The following PPP3CA variants were observed in gnomAD, a reference collection of about 807,000 sequenced individuals.
PPP3CA encodes the protein protein phosphatase 3 catalytic subunit alpha, also known as CAM-PRP catalytic subunit.
Under a neutral mutation model 66.5 loss-of-function variants are expected in PPP3CA, and 14 were observed. The ratio of observed to expected loss-of-function variants is 0.21; its 90% CI spans 0.14 to 0.33. The LOEUF is 0.33. PPP3CA is among the 10% of genes least tolerant of loss of function. The pLI, the probability that PPP3CA is intolerant of heterozygous loss-of-function variation, is 1.00. For synonymous variants in PPP3CA, 232 were observed against 226.2 expected, an observed-to-expected ratio of 1.03 and a Z score of -0.23; for missense variants, 317 against 639.5, an observed-to-expected ratio of 0.50 and a Z score of 5.44.
In PPP3CA at chr4:101,109,206, C is replaced by T. The variant is rs1377667737; in HGVS notation, c.260-128G>A. On this transcript the variant is annotated intron_variant, in intron 2 of 13. Transcript: ENST00000394854. ...TGAGCCAAAACATTCTTTTGCAGAA[C>T]AAGAAGTACGACAGAAAAGCTAAGT... The T allele has an allele frequency of 5.4e-6, 5 of 926,102 alleles. No homozygotes were observed. The African/African-American group carries it at 8.8e-5, about 16-fold the overall frequency. The allele number at this position is 926,102 out of a possible 1,614,324, so 57.4% of individuals were successfully genotyped here. A position where few individuals can be genotyped will look rare whatever the true frequency, so the allele number is the denominator to read the frequency against.
At chr4:101,130,209 T>C (rs572581097) in intron 2 of PPP3CA, among the ~76,000 whole-genome samples, 13 of 151,802 alleles carry the variant, frequency 8.6e-5, no homozygotes, top group African/African-American at 3.1e-4. Flanking sequence ...GAAAAAAGAA[T>C]AAAAAGGAAC....
intron 1 of PPP3CA, among the ~76,000 whole-genome samples, chr4:101,255,035 C>CAAAAAA (rs1163406764): frequency 1.6e-4 from 7 of 44,712 alleles, no homozygotes; most frequent in East Asian, 6.2e-4. Context: ...AGTCCCGTCT[C>CAAAAAA]AAAAAAAAAA....
At position 101,025,598 on chromosome 4, in the gene PPP3CA, CTTTT is replaced by C; in HGVS notation, c.*263_*266del. 1 of 314,984 alleles carries C rather than the reference CTTTT, an allele frequency of 3.2e-6. No homozygotes were observed. The highest frequency in any genetic ancestry group is 5.8e-6 in the Non-Finnish European group (1 of 172,196). 19.5% of individuals were successfully genotyped at this position (314,984 alleles called of 1,614,324 possible). A position where few individuals can be genotyped will look rare whatever the true frequency, so the allele number is the denominator to read the frequency against. ...TGCAGTATATACTAGCATTAGCTTT[CTTTT>C]TAAAATTTTTTTTCTCTATAAGCAT... On this transcript the variant is annotated 3_prime_UTR_variant, in exon 14 of 14. Transcript: ENST00000394854.
chr4:101,037,355 T>C (rs912035414), intron 11 of PPP3CA, among the ~76,000 whole-genome samples: 1 of 152,260 alleles, frequency 6.6e-6, no homozygotes, highest in African/African-American at 2.4e-5. Context: ...GTATTTTATC[T>C]GCAAGGACTG....
chr4:101,110,695 A>C (rs1024388554), intron 2 of PPP3CA, among the ~76,000 whole-genome samples: 40 of 152,304 alleles, frequency 2.6e-4, no homozygotes, highest in African/African-American at 9.6e-4. Context: ...CTTAGAGCTG[A>C]GCAAATAAAT....
At position 101,026,061 on chromosome 4, in the gene PPP3CA, G is replaced by T; in HGVS notation, c.1370C>A (p.Ala457Asp). Residue 457 changes from alanine to aspartate, a missense_variant and splice_region_variant, in exon 14 of 14, where the codon GCT becomes GAT. Ala to Asp is a moderately radical substitution (Grantham distance 126, BLOSUM62 -2). This residue lies in a region of PPP3CA where 201 missense variants were observed against 501.4 expected (regional missense o/e 0.40). Transcript: ENST00000394854. Reference protein sequence around the residue: ...ATVEAIEADEAIKGFSPQHKI... With the variant: ...ATVEAIEADEDIKGFSPQHKI... ...ATGTTGTGGTGAAAATCCTTTGATA[G>T]CTAAACAGAAAATCATTAAAAAAAG... is the stretch of plus-strand genomic sequence containing the variant. The T allele has an allele frequency of 6.3e-7, 1 of 1,580,258 alleles. No individual in the cohort carries two copies. Among genetic ancestry groups the T allele is most frequent in the Non-Finnish European group, 8.6e-7 (1 of 1,164,730 alleles).
intron 1 of PPP3CA, among the ~76,000 whole-genome samples, chr4:101,249,742 A>G (rs1037624573): frequency 1.3e-5 from 2 of 152,166 alleles, no homozygotes; most frequent in South Asian, 4.1e-4. Flanking sequence ...ACAGAAACCA[A>G]CAACATTATA....
intron 8 of PPP3CA, among the ~76,000 whole-genome samples, chr4:101,072,947 A>G (rs1051612668): frequency 1.5e-4 from 22 of 149,910 alleles, no homozygotes; most frequent in African/African-American, 4.9e-4. Context: ...AAAAAAAAAA[A>G]AAAAAATTAT....
chr4:101,069,908 T>C (rs897474165), intron 8 of PPP3CA, among the ~76,000 whole-genome samples: 1 of 152,220 alleles, frequency 6.6e-6, no homozygotes, highest in African/African-American at 2.4e-5. Context: ...TATGTGTTAA[T>C]TGACTGTTTA....
At position 101,106,406 on chromosome 4, in the gene PPP3CA, AAAG is replaced by A. The variant is rs1560604805; in HGVS notation, c.384+2545_384+2547del. ...GAAAGAAAGAAAGAAAGAAAGAAAGAAAGAAAGAAAGAAAGAAAGAAAGAAAGA... is the reference window on the plus strand; with the variant it reads ...GAAAGAAAGAAAGAAAGAAAGAAAGAAAAGAAAGAAAGAAAGAAAGAAAGA... On this transcript the variant is annotated intron_variant, in intron 3 of 13. Transcript: ENST00000394854. Among the ~76,000 whole-genome samples, 74 of 9,462 alleles carry A rather than the reference AAAG, an allele frequency of 7.8e-3. 7 individuals carry two copies. The highest frequency in any genetic ancestry group is 0.023 in the African/African-American group (68 of 2,990). The allele number at this position is 9,462 out of a possible 152,430, so 6.2% of individuals were successfully genotyped here.
At chr4:101,132,757 G>A (rs1430276439) in intron 2 of PPP3CA, among the ~76,000 whole-genome samples, 1 of 152,196 alleles carries the variant, frequency 6.6e-6, no homozygotes, top group Non-Finnish European at 1.5e-5. Flanking sequence ...TATGAGGCCA[G>A]CATCATCCTG....
chr4:101,152,166 G>GT (rs1295088992), intron 2 of PPP3CA, among the ~76,000 whole-genome samples: 1 of 152,140 alleles, frequency 6.6e-6, no homozygotes, highest in Non-Finnish European at 1.5e-5. Context: ...TATTAAAGAT[G>GT]TTTTTAATTT....
At chr4:101,169,581 T>G (rs1002109377) in intron 2 of PPP3CA, among the ~76,000 whole-genome samples, 3 of 152,136 alleles carry the variant, frequency 2.0e-5, no homozygotes, top group Non-Finnish European at 4.4e-5. Flanking sequence ...CAACATAAAC[T>G]GAAACAGGCC....
chr4:101,179,812 C>G (rs1021508325), intron 2 of PPP3CA, among the ~76,000 whole-genome samples: 1 of 152,094 alleles, frequency 6.6e-6, no homozygotes, highest in Non-Finnish European at 1.5e-5. Flanking sequence ...TGTTTTCTTA[C>G]AATTTTTCAC....
At chr4:101,105,252 C>T (rs1317888011) in intron 3 of PPP3CA, among the ~76,000 whole-genome samples, 12 of 151,014 alleles carry the variant, frequency 7.9e-5, no homozygotes, top group African/African-American at 2.2e-4. Context: ...CTGCAACCTC[C>T]GCCTCCTGGG....
chr4:101,266,411 C>T (rs901246295), intron 1 of PPP3CA, among the ~76,000 whole-genome samples: 2 of 152,024 alleles, frequency 1.3e-5, no homozygotes, highest in Non-Finnish European at 2.9e-5. Flanking sequence ...TTAGATATGG[C>T]CCTAGCTATG....
intron 1 of PPP3CA, among the ~76,000 whole-genome samples, chr4:101,246,976 CA>C (rs1726501786): frequency 6.6e-6 from 1 of 152,076 alleles, no homozygotes; most frequent in Non-Finnish European, 1.5e-5. Flanking sequence ...ATGAGAAAAA[CA>C]AAGTATATAC....
At chr4:101,087,540 T>C (rs1391802338) in intron 6 of PPP3CA, among the ~76,000 whole-genome samples, 1 of 152,168 alleles carries the variant, frequency 6.6e-6, no homozygotes, top group African/African-American at 2.4e-5. Flanking sequence ...TTCTCTGATG[T>C]TGAACTCTTA....
intron 13 of PPP3CA, 128 bp downstream of exon 13, chr4:101,029,038 T>TTAA: frequency 2.5e-6 from 2 of 790,938 alleles, no homozygotes; most frequent in Non-Finnish European, 4.1e-6. Flanking sequence ...AACATTTTGG[T>TTAA]TAATACTGAG....
Sources: allele counts gnomAD v4.1 joint callset (sites outside exome capture counted in the v4.1 genomes callset), GRCh38; gene constraint gnomAD v4.1.1; regional missense constraint gnomAD v4.1.1; transcripts MANE v1.5; gene names NCBI Gene and HGNC (gene_info 2026-07-23, HGNC 2026-07-21).